The following RAI1 variants were observed in gnomAD, a reference collection of about 807,000 sequenced individuals.
The protein encoded by RAI1 is retinoic acid induced 1, also known as retinoic acid-induced protein 1.
In RAI1, 9 loss-of-function variants were observed where a neutral mutation model predicts 123.8. That is an observed-to-expected ratio of 0.07 (90% CI 0.04 to 0.13). RAI1 has a LOEUF of 0.13. RAI1 is among the 10% of genes least tolerant of loss of function. The pLI is 1.00. For synonymous variants in RAI1, 1,231 were observed against 1,127.3 expected (o/e 1.09, Z -1.84); for missense variants, 2,256 against 2,545.8 (o/e 0.89, Z 2.45).
intron 1 of RAI1, among the ~76,000 whole-genome samples, chr17:17,711,218 C>T (rs1166868175): frequency 6.6e-6 from 1 of 152,210 alleles, no homozygotes; most frequent in East Asian, 1.9e-4. Context: ...CTGGTCACGT[C>T]CTGGCTGGGG....
chr17:17,746,639 T>C (rs190724585), intron 2 of RAI1, among the ~76,000 whole-genome samples: 23 of 147,900 alleles, frequency 1.6e-4, no homozygotes, highest in African/African-American at 5.2e-4. Flanking sequence ...CTTTTCTTTT[T>C]TTTTTTTTTT....
chr17:17,764,859 G>T (rs2030857596), intron 2 of RAI1, among the ~76,000 whole-genome samples: 1 of 152,270 alleles, frequency 6.6e-6, no homozygotes, highest in Non-Finnish European at 1.5e-5. Context: ...CAAAGTGCTG[G>T]GATTATAGGC....
intron 2 of RAI1, among the ~76,000 whole-genome samples, chr17:17,792,129 G>A (rs1043160903): frequency 3.9e-5 from 6 of 152,158 alleles, no homozygotes; most frequent in East Asian, 3.9e-4. Context: ...TCTGGGCCAC[G>A]TAATCTGTTT....
chr17:17,717,495 T>G (rs948072419), intron 1 of RAI1, among the ~76,000 whole-genome samples: 4 of 152,106 alleles, frequency 2.6e-5, no homozygotes, highest in Non-Finnish European at 5.9e-5. Flanking sequence ...TGCCTGCCTC[T>G]CAGTGCATTT....
chr17:17,793,352 C>G lies in RAI1; in HGVS notation c.404C>G (p.Pro135Arg), dbSNP rs970955223. ...CCACCCCCACAGCCGCAGCCACTAC[C>G]TGCAGGGGTGGCCAAGTATGATGAG... ...QPPPPQPQPL[P>R]AGVAKYDENL... The change falls in exon 3 of 6, where the codon CCT becomes CGT. Residue 135 changes from proline (P) to arginine (R), a missense_variant. Coordinates refer to ENST00000353383, the MANE Select transcript of RAI1 (RefSeq NM_030665.4). The G allele has an allele frequency of 2.0e-5, 33 of 1,612,876 alleles. No homozygotes were observed. The highest frequency in any genetic ancestry group is 2.7e-5 in the Non-Finnish European group (32 of 1,179,840).
chr17:17,765,765 A>G (rs2030902008), intron 2 of RAI1: 1 of 152,210 alleles, frequency 6.6e-6, no homozygotes, highest in African/African-American at 2.4e-5. Flanking sequence ...ACTCTTGGAC[A>G]CACAGGATGA....
At position 17,741,171 on chromosome 17, in the gene RAI1, G is replaced by A. The variant is rs1344770939; in HGVS notation, c.-17+17012G>A. Reference sequence around the variant, plus strand: ...CACTTAAGCGCACACGTACACGCACGCCTTTCTTTCCGTCTCTCCCCACCA... The same window carrying A: ...CACTTAAGCGCACACGTACACGCACACCTTTCTTTCCGTCTCTCCCCACCA... On this transcript the variant is annotated intron_variant, in intron 2 of 5. Transcript: ENST00000353383. 2.6e-5 allele frequency among the ~76,000 whole-genome samples: 4 copies of A among 152,056 alleles called. No homozygotes were observed. In the East Asian group the frequency reaches 7.7e-4, roughly 29 times the overall value.
In RAI1 at chr17:17,782,870, G is replaced by C. The variant is rs997120020; in HGVS notation, c.-16-10063G>C. Among the ~76,000 whole-genome samples, 4 of 152,282 alleles carry C rather than the reference G, an allele frequency of 2.6e-5. No homozygotes were observed. In the South Asian group the frequency reaches 8.3e-4, roughly 32 times the overall value. ...CTCGGCCTCTGTCCTTCGCGTCCTC[G>C]CCCTTACCGAGGCGTGGGGAGGGAG... On this transcript the variant is annotated intron_variant, in intron 2 of 5. Transcript: ENST00000353383.
intron 2 of RAI1, among the ~76,000 whole-genome samples, chr17:17,746,173 G>T (rs964563148): frequency 2.6e-5 from 4 of 152,208 alleles, no homozygotes; most frequent in African/African-American, 4.8e-5. Context: ...AGGGACACGG[G>T]TGATAGCCAA....
Position 17,809,018 on chromosome 17 carries a change from A to G in RAI1, c.5660-372A>G. On this transcript the variant is annotated intron_variant, in intron 4 of 5. Transcript: ENST00000353383. The surrounding 1 kb of genome is among the most constrained non-coding windows in gnomAD (Gnocchi z 4.9). ...GCCTGCCAGTGGGGAAGAAACAAGG[A>G]GCAAGACAAGATCACACAGGCCAGT... 1 of 336,516 alleles carries G rather than the reference A, an allele frequency of 3.0e-6. No individual in the cohort carries two copies. The highest frequency in any genetic ancestry group is 5.7e-6 in the Non-Finnish European group (1 of 174,384). 20.8% of individuals were successfully genotyped at this position (336,516 alleles called of 1,614,324 possible). A position where few individuals can be genotyped will look rare whatever the true frequency, so the allele number is the denominator to read the frequency against.
At chr17:17,758,744 G>A (rs535629363) in intron 2 of RAI1, among the ~76,000 whole-genome samples, 1 of 152,378 alleles carries the variant, frequency 6.6e-6, no homozygotes, top group African/African-American at 2.4e-5. Flanking sequence ...CATACTCAGG[G>A]CGGTGAGGAT....
At chr17:17,723,345 C>A (rs561702263) in intron 1 of RAI1, among the ~76,000 whole-genome samples, 6 of 150,066 alleles carry the variant, frequency 4.0e-5, no homozygotes, top group South Asian at 2.2e-4. Context: ...CCAGACCCCC[C>A]CCCCCAAGCC....
At position 17,809,889 on chromosome 17, in the gene RAI1, G is replaced by T. The variant is rs981737422; in HGVS notation, c.5710-81G>T. On this transcript the variant is annotated intron_variant, in intron 5 of 5. Coordinates refer to ENST00000353383, the MANE Select transcript of RAI1 (RefSeq NM_030665.4). The surrounding 1 kb of genome is among the most constrained non-coding windows in gnomAD (Gnocchi z 4.9). Reference sequence around the variant, plus strand: ...GGTCGCCTGGGTCTGGGGCTTAGGCGGGGGGCCCACACTGGGGGCGGGGCC... The same window carrying T: ...GGTCGCCTGGGTCTGGGGCTTAGGCTGGGGGCCCACACTGGGGGCGGGGCC... The T allele has an allele frequency of 2.9e-5, 44 of 1,541,880 alleles. No homozygotes were observed. Among genetic ancestry groups the T allele is most frequent in the Non-Finnish European group, 3.5e-5 (40 of 1,141,502 alleles).
chr17:17,751,387 G>C (rs374843216), intron 2 of RAI1, among the ~76,000 whole-genome samples: 10 of 152,238 alleles, frequency 6.6e-5, no homozygotes, highest in African/African-American at 2.2e-4. Context: ...AGCTTGCCCA[G>C]AACAGTGACC....
At chr17:17,695,531 C>CTTTT (rs10692662) in intron 1 of RAI1, among the ~76,000 whole-genome samples, 23 of 145,506 alleles carry the variant, frequency 1.6e-4, no homozygotes, top group African/African-American at 5.1e-4. Context: ...TTCTCTCTCT[C>CTTTT]TTTTTTTTTT....
In RAI1 at chr17:17,795,616, C is replaced by T. The variant is rs778539478; in HGVS notation, c.2668C>T (p.Pro890Ser). The T allele has an allele frequency of 1.9e-6, 3 of 1,613,220 alleles. No homozygotes were observed. The highest frequency in any genetic ancestry group is 2.5e-6 in the Non-Finnish European group (3 of 1,179,846). ...CGAGCAGAGGCCTGGCATGCAGGAC[C>T]CGCTGTCACCCAAGGCCCCACTCAT... ...SPEQRPGMQD[P>S]LSPKAPLICT... The change falls in exon 3 of 6, where the codon CCG (proline) becomes TCG (serine). Residue 890 changes from proline (P) to serine (S), a missense_variant. Physicochemically the swap from Pro to Ser is moderately conservative, Grantham distance 74. Around this residue, in one of 7 missense-constraint regions of RAI1, gnomAD observed 566 missense variants for 616.0 expected, o/e 0.92. Coordinates refer to ENST00000353383, the MANE Select transcript of RAI1 (RefSeq NM_030665.4). This position sits in a 1 kb window ranked among gnomAD's most constrained non-coding sequence, Gnocchi z 5.9.
Position 17,794,755 on chromosome 17 carries a change from G to A in RAI1, c.1807G>A (p.Ala603Thr). ...TCCGCGGCTGCTGCTCAGCGCCCTG[G>A]CACAGGAGGACCTGGCCTCCGAGAT... is the stretch of plus-strand genomic sequence containing the variant. Reference protein sequence around the residue: ...DCPRLLLSALAQEDLASEILG... With the variant: ...DCPRLLLSALTQEDLASEILG... Residue 603 changes from alanine (A) to threonine (T), a missense_variant, in exon 3 of 6, where the codon GCA becomes ACA. Around this residue, in one of 7 missense-constraint regions of RAI1, gnomAD observed 357 missense variants for 480.2 expected, o/e 0.74. Transcript: ENST00000353383. 1 of 1,612,788 alleles carries A rather than the reference G, an allele frequency of 6.2e-7. No individual in the cohort carries two copies. Among genetic ancestry groups the A allele is most frequent in the East Asian group, 2.2e-5 (1 of 44,882 alleles).
Position 17,805,419 on chromosome 17 carries a change from C to T in RAI1, c.5659+1570C>T, listed in dbSNP as rs143162251. Among the ~76,000 whole-genome samples the T allele has an allele frequency of 3.4e-4, 52 of 152,296 alleles. No individual in the cohort carries two copies. In the East Asian group the frequency reaches 9.6e-3, roughly 28 times the overall value. On this transcript the variant is annotated intron_variant, in intron 4 of 5. Coordinates refer to ENST00000353383, the MANE Select transcript of RAI1 (RefSeq NM_030665.4). Reference sequence around the variant, plus strand: ...TGACCTCTCCCCGTCACCCTCAATCCCTCCCAACTCTGGCCTGGAAAGAGG... The same window carrying T: ...TGACCTCTCCCCGTCACCCTCAATCTCTCCCAACTCTGGCCTGGAAAGAGG...
intron 2 of RAI1, among the ~76,000 whole-genome samples, chr17:17,755,284 G>A (rs1341794545): frequency 6.6e-6 from 1 of 152,274 alleles, no homozygotes; most frequent in Non-Finnish European, 1.5e-5. Flanking sequence ...CTGAGTGGCT[G>A]ATTAAGTGGG....
Sources: allele counts gnomAD v4.1 joint callset (sites outside exome capture counted in the v4.1 genomes callset), GRCh38; gene constraint gnomAD v4.1.1; regional missense constraint gnomAD v4.1.1; non-coding constraint Gnocchi (gnomAD v3.1); transcripts MANE v1.5; gene names NCBI Gene and HGNC (gene_info 2026-07-23, HGNC 2026-07-21).